The following OXR1 variants were observed in gnomAD, a reference collection of about 807,000 sequenced individuals.
OXR1 encodes oxidation resistance 1.
In OXR1, 41 loss-of-function variants were observed where a neutral mutation model predicts 104.6. The ratio of observed to expected loss-of-function variants is 0.39; its 90% CI spans 0.31 to 0.51. The LOEUF is 0.51. Ranked by LOEUF, OXR1 falls within the 20% of genes least tolerant of loss-of-function variation. The probability of loss-of-function intolerance (pLI) is 0.77; values close to 1 mark genes in which losing one functional copy is unlikely to be tolerated. For missense variants in OXR1, 955 were observed against 1,031.9 expected, an observed-to-expected ratio of 0.93 and a Z score of 1.02; for synonymous variants, 348 against 348.4, an observed-to-expected ratio of 1.00 and a Z score of 0.01.
chr8:106,502,978 A>T (rs1225609620), intron 2 of OXR1, among the ~76,000 whole-genome samples: 2 of 152,188 alleles, frequency 1.3e-5, no homozygotes, highest in African/African-American at 4.8e-5. Context: ...ACCCTCTTGC[A>T]ACCAAACTAC....
intron 1 of OXR1, among the ~76,000 whole-genome samples, chr8:106,323,781 A>G (rs1277498161): frequency 2.0e-5 from 3 of 152,254 alleles, no homozygotes; most frequent in Non-Finnish European, 4.4e-5. Flanking sequence ...ACTGACCATT[A>G]GAGAAATGCA....
rs1356812181 is a variant in OXR1 at position 106,751,680 on chromosome 8, AT to A, written c.*740del. On this transcript the variant is annotated 3_prime_UTR_variant, in exon 17 of 17. Coordinates refer to ENST00000517566, the MANE Select transcript of OXR1 (RefSeq NM_001198533.2). Reference sequence around the variant, plus strand: ...GAACTTAATGATTCTATTGGATTTAATATATTAGCAAGAAAACATACTATTT... The same window carrying A: ...GAACTTAATGATTCTATTGGATTTAAATATTAGCAAGAAAACATACTATTT... The A allele has an allele frequency of 3.3e-5, 5 of 152,586 alleles. No homozygotes were observed. Among genetic ancestry groups the A allele is most frequent in the African/African-American group, 1.2e-4 (5 of 41,450 alleles). The allele number at this position is 152,586 out of a possible 1,614,324, so 9.5% of individuals were successfully genotyped here.
In OXR1 at chr8:106,403,176, G is replaced by A. The variant is rs143847520; in HGVS notation, c.23+43540G>A. On this transcript the variant is annotated intron_variant, in intron 2 of 16. Transcript: ENST00000517566. Reference sequence around the variant, plus strand: ...ATTCAGGTTAGGCTTTTGTTCACTTGACCAAGACTTTTCTGCTTATACCAA... The same window carrying A: ...ATTCAGGTTAGGCTTTTGTTCACTTAACCAAGACTTTTCTGCTTATACCAA... 2.7e-3 allele frequency among the ~76,000 whole-genome samples: 410 copies of A among 152,298 alleles called. 3 individuals carry two copies. The highest frequency in any genetic ancestry group is 9.4e-3 in the African/African-American group (392 of 41,548).
intron 2 of OXR1, among the ~76,000 whole-genome samples, chr8:106,459,780 A>G (rs570942820): frequency 5.3e-5 from 8 of 152,276 alleles, no homozygotes; most frequent in Admixed American, 2.0e-4. Context: ...TGTGTTTCCT[A>G]TTGCATCAGC....
At chr8:106,647,850 A>G (rs1824214762) in intron 3 of OXR1, among the ~76,000 whole-genome samples, 1 of 152,178 alleles carries the variant, frequency 6.6e-6, no homozygotes, top group South Asian at 2.1e-4. Context: ...TTACTGGAGA[A>G]GATTATTTTT....
At chr8:106,671,044 CAAAA>C (rs60404483) in intron 3 of OXR1, among the ~76,000 whole-genome samples, 2 of 48,926 alleles carry the variant, frequency 4.1e-5, no homozygotes, top group African/African-American at 1.2e-4. Flanking sequence ...GACTCTGTCT[CAAAA>C]AAAAAAAAAA....
At chr8:106,280,725 G>A (rs549829000) in intron 1 of OXR1, among the ~76,000 whole-genome samples, 1 of 151,924 alleles carries the variant, frequency 6.6e-6, no homozygotes, top group East Asian at 1.9e-4. Flanking sequence ...CGGTTCACAT[G>A]GTAAATGTAA....
intron 3 of OXR1, among the ~76,000 whole-genome samples, chr8:106,577,592 G>T (rs930780200): frequency 6.6e-6 from 1 of 151,834 alleles, no homozygotes; most frequent in African/African-American, 2.4e-5. Flanking sequence ...GGTTTACCAG[G>T]TCGGCCAGGC....
chr8:106,553,616 A>G (rs1816044735), intron 3 of OXR1, among the ~76,000 whole-genome samples: 1 of 152,182 alleles, frequency 6.6e-6, no homozygotes, highest in African/African-American at 2.4e-5. Flanking sequence ...CACCATGTCC[A>G]GCTGCAATTT....
At chr8:106,487,875 A>G (rs1397602343) in intron 2 of OXR1, among the ~76,000 whole-genome samples, 1 of 151,892 alleles carries the variant, frequency 6.6e-6, no homozygotes, top group Non-Finnish European at 1.5e-5. Flanking sequence ...TAATGCCGCA[A>G]TAAACATACG....
At chr8:106,577,601 G>A (rs1237471704) in intron 3 of OXR1, among the ~76,000 whole-genome samples, 2 of 151,930 alleles carry the variant, frequency 1.3e-5, no homozygotes, top group Non-Finnish European at 2.9e-5. Context: ...GGTCGGCCAG[G>A]CTGGTCTCGA....
chr8:106,658,138 G>T (rs923046288), intron 3 of OXR1: 6 of 1,246,026 alleles, frequency 4.8e-6, no homozygotes, highest in Non-Finnish European at 6.1e-6. Context: ...CTCGGGTGCG[G>T]GTCCCCGCCC....
At chr8:106,658,765 C>G (rs1357776970) in intron 3 of OXR1, among the ~76,000 whole-genome samples, 1 of 151,708 alleles carries the variant, frequency 6.6e-6, no homozygotes, top group African/African-American at 2.4e-5. Flanking sequence ...AACCTAGAAA[C>G]TTTCTCAGTT....
intron 3 of OXR1, among the ~76,000 whole-genome samples, chr8:106,674,886 C>T (rs1381835658): frequency 6.6e-6 from 1 of 152,116 alleles, no homozygotes; most frequent in Non-Finnish European, 1.5e-5. Context: ...GCTGAGGCCT[C>T]CCCAGCCATG....
intron 6 of OXR1, among the ~76,000 whole-genome samples, chr8:106,690,972 A>G (rs1165855336): frequency 6.6e-6 from 1 of 152,016 alleles, no homozygotes; most frequent in Non-Finnish European, 1.5e-5. Context: ...GGAAAAATAC[A>G]ATAAAGCCAA....
chr8:106,659,482 C>A (rs968613465), intron 3 of OXR1, among the ~76,000 whole-genome samples: 14 of 152,114 alleles, frequency 9.2e-5, no homozygotes, highest in African/African-American at 3.4e-4. Context: ...CTCTGAAGGA[C>A]GTTAACCAAA....
At chr8:106,456,204 G>C (rs1464715635) in intron 2 of OXR1, among the ~76,000 whole-genome samples, 2 of 152,176 alleles carry the variant, frequency 1.3e-5, no homozygotes, top group African/African-American at 4.8e-5. Flanking sequence ...AGGTCACCCA[G>C]AGGATGAAGA....
intron 2 of OXR1, among the ~76,000 whole-genome samples, chr8:106,420,141 A>G (rs761575217): frequency 3.1e-4 from 47 of 152,164 alleles, no homozygotes; most frequent in Non-Finnish European, 6.3e-4. Flanking sequence ...GAAATTTAAC[A>G]TATAAGAAAC....
chr8:106,588,236 G>A (rs550711803), intron 3 of OXR1, among the ~76,000 whole-genome samples: 1 of 152,092 alleles, frequency 6.6e-6, no homozygotes, highest in African/African-American at 2.4e-5. Context: ...TGGAATTACA[G>A]GCATGAGCCA....
Sources: allele counts gnomAD v4.1 joint callset (sites outside exome capture counted in the v4.1 genomes callset), GRCh38; gene constraint gnomAD v4.1.1; transcripts MANE v1.5; gene names NCBI Gene and HGNC (gene_info 2026-07-23, HGNC 2026-07-21).